ASAP2: variants seen among roughly 807,000 people sequenced by gnomAD.
ASAP2 encodes ArfGAP with SH3 domain, ankyrin repeat and PH domain 2.
ASAP2 carries 45 observed loss-of-function variants against 131.4 expected under a neutral mutation model. That is an observed-to-expected ratio of 0.34 (90% CI 0.27 to 0.44). The LOEUF (loss-of-function observed/expected upper bound fraction) is 0.44. Ranked by LOEUF, ASAP2 falls within the 20% of genes least tolerant of loss-of-function variation. ASAP2 has a pLI of 1.00. For synonymous variants in ASAP2, 510 were observed against 503.0 expected, an observed-to-expected ratio of 1.01 and a Z score of -0.19; for missense variants, 1,011 against 1,297.0, an observed-to-expected ratio of 0.78 and a Z score of 3.39.
chr2:9,241,263 A>G (rs1663943107), intron 1 of ASAP2, among the ~76,000 whole-genome samples: 1 of 152,246 alleles, frequency 6.6e-6, no homozygotes, highest in South Asian at 2.1e-4. Flanking sequence ...GTCAGTATTA[A>G]GTAATGCTGC....
At chr2:9,396,530 G>A (rs1395623275) in intron 24 of ASAP2, among the ~76,000 whole-genome samples, 2 of 152,128 alleles carry the variant, frequency 1.3e-5, no homozygotes, top group African/African-American at 2.4e-5. Context: ...TCCCACCTTG[G>A]CCTTTCAGAG....
rs529651938 is a variant in ASAP2 at position 9,365,311 on chromosome 2, A to T, written c.1462-3114A>T. ...CAGGCCCTCCACCCTTCGGGGATCC[A>T]AGGGGCCCAGTTAACATCAGGGAGG... On this transcript the variant is annotated intron_variant, in intron 15 of 27. Coordinates refer to ENST00000281419, the MANE Select transcript of ASAP2 (RefSeq NM_003887.3). 5.9e-5 allele frequency among the ~76,000 whole-genome samples: 9 copies of T among 152,210 alleles called. No individual in the cohort carries two copies. In the South Asian group the frequency reaches 1.9e-3, roughly 32 times the overall value.
At chr2:9,335,932 T>C (rs1671174460) in intron 9 of ASAP2, 1 of 152,178 alleles carries the variant, frequency 6.6e-6, no homozygotes, top group Non-Finnish European at 1.5e-5. Flanking sequence ...CAGCATAAAG[T>C]TCCCTGTTGG....
At chr2:9,354,451 C>G (rs1032826965) in intron 12 of ASAP2, among the ~76,000 whole-genome samples, 10 of 152,126 alleles carry the variant, frequency 6.6e-5, no homozygotes, top group African/African-American at 2.2e-4. Flanking sequence ...AGGTTTGCCT[C>G]CTGCTTGTGC....
intron 11 of ASAP2, among the ~76,000 whole-genome samples, chr2:9,348,491 T>C (rs1396444119): frequency 6.6e-6 from 1 of 152,216 alleles, no homozygotes; most frequent in Non-Finnish European, 1.5e-5. Context: ...CCCATAAATT[T>C]TTCTAATAGC....
In ASAP2 at chr2:9,243,132, G is replaced by A. The variant is rs139044586; in HGVS notation, c.126+35902G>A. Reference sequence around the variant, plus strand: ...TTGTTTTGTTTTGTTTTTTTGAGACGGAGTCTTGCTCTGTCGCCCAGGCTG... The same window carrying A: ...TTGTTTTGTTTTGTTTTTTTGAGACAGAGTCTTGCTCTGTCGCCCAGGCTG... On this transcript the variant is annotated intron_variant, in intron 1 of 27. Transcript: ENST00000281419. Among the ~76,000 whole-genome samples the A allele has an allele frequency of 2.9e-3, 438 of 152,134 alleles. 2 individuals are homozygous for A. Among genetic ancestry groups the A allele is most frequent in the African/African-American group, 9.9e-3 (410 of 41,500 alleles).
intron 3 of ASAP2, among the ~76,000 whole-genome samples, chr2:9,317,544 T>G (rs1227216378): frequency 1.5e-5 from 2 of 129,968 alleles, no homozygotes; most frequent in Non-Finnish European, 3.2e-5. Context: ...CCACACAATC[T>G]CTCACATCCA....
intron 1 of ASAP2, among the ~76,000 whole-genome samples, chr2:9,255,019 T>A (rs1665059197): frequency 6.6e-6 from 1 of 152,266 alleles, no homozygotes; most frequent in Admixed American, 6.5e-5. Flanking sequence ...TTTTCCAAAG[T>A]GGCTGCATCA....
chr2:9,393,694 A>T, intron 24 of ASAP2, 47 bp downstream of exon 24: 1 of 1,520,636 alleles, frequency 6.6e-7, no homozygotes, highest in East Asian at 2.4e-5. Flanking sequence ...CTGCCCTCTG[A>T]CCTCACCTGC....
At chr2:9,341,763 T>C (rs1258847354) in intron 9 of ASAP2, among the ~76,000 whole-genome samples, 1 of 152,200 alleles carries the variant, frequency 6.6e-6, no homozygotes, top group African/African-American at 2.4e-5. Context: ...CTGGATTTGC[T>C]CTAAATTTTG....
At chr2:9,358,641 A>G in intron 14 of ASAP2, 115 bp from the exon 15 acceptor site, 4 of 1,313,634 alleles carry the variant, frequency 3.0e-6, no homozygotes, top group Non-Finnish European at 4.1e-6. Context: ...TGTGTTAAGG[A>G]TCAGAAAATG....
At chr2:9,379,150 C>A in intron 19 of ASAP2, 91 bp downstream of exon 19, 1 of 866,650 alleles carries the variant, frequency 1.2e-6, no homozygotes, top group Non-Finnish European at 1.6e-6. Context: ...GGAAACAGGG[C>A]CAACCCTGTG....
At chr2:9,360,926 A>G (rs1418512145) in intron 15 of ASAP2, among the ~76,000 whole-genome samples, 1 of 152,186 alleles carries the variant, frequency 6.6e-6, no homozygotes, top group Non-Finnish European at 1.5e-5. Flanking sequence ...CATCTGTTAT[A>G]ATTTTTTAAA....
At chr2:9,304,045 C>T (rs1174981263) in intron 3 of ASAP2, among the ~76,000 whole-genome samples, 6 of 152,162 alleles carry the variant, frequency 3.9e-5, no homozygotes, top group Non-Finnish European at 8.8e-5. Context: ...TGTGCCGGGA[C>T]AGCCACTGGC....
At chr2:9,359,676 C>G (rs1055929893) in intron 15 of ASAP2, among the ~76,000 whole-genome samples, 2 of 152,150 alleles carry the variant, frequency 1.3e-5, no homozygotes, top group African/African-American at 4.8e-5. Context: ...ACGTCAAGAG[C>G]AATAGTCTTG....
chr2:9,273,244 C>T (rs924346675), intron 1 of ASAP2, among the ~76,000 whole-genome samples: 6 of 151,998 alleles, frequency 3.9e-5, no homozygotes, highest in Non-Finnish European at 7.4e-5. Context: ...TTATAGTTTT[C>T]GCTGTAGAGA....
chr2:9,338,701 C>T (rs1464595515), intron 9 of ASAP2, among the ~76,000 whole-genome samples: 1 of 152,200 alleles, frequency 6.6e-6, no homozygotes, highest in Admixed American at 6.5e-5. Flanking sequence ...ATCAGGTTAT[C>T]ATCTCTTCAG....
chr2:9,362,203 G>A (rs890618021), intron 15 of ASAP2, among the ~76,000 whole-genome samples: 1 of 152,152 alleles, frequency 6.6e-6, no homozygotes, highest in Non-Finnish European at 1.5e-5. Context: ...ATGCCATGCA[G>A]GGCCTCGGCT....
intron 11 of ASAP2, among the ~76,000 whole-genome samples, chr2:9,349,759 C>T (rs893770449): frequency 6.6e-6 from 1 of 152,198 alleles, no homozygotes; most frequent in Non-Finnish European, 1.5e-5. Context: ...ATGGGTTCAA[C>T]TCTCCCACCC....
Sources: gnomAD v4.1 joint callset for allele counts (sites outside exome capture counted in the v4.1 genomes callset) on GRCh38, gnomAD v4.1.1 for gene constraint, MANE v1.5 for transcripts, NCBI Gene and HGNC (gene_info 2026-07-23, HGNC 2026-07-21) for gene names.